The following ANKZF1 variants were observed in gnomAD, a reference collection of about 807,000 sequenced individuals.
ANKZF1 encodes ankyrin repeat and zinc finger peptidyl tRNA hydrolase 1, also known as tRNA endonuclease ANKZF1.
In ANKZF1, 84 loss-of-function variants were observed where a neutral mutation model predicts 86.0. That is an observed-to-expected ratio of 0.98 (90% confidence interval 0.82 to 1.17). The LOEUF (loss-of-function observed/expected upper bound fraction) is 1.17, where lower values mean the gene tolerates loss of function less well. Ranked by LOEUF, ANKZF1 falls within the 50% of genes most tolerant of loss-of-function variation. ANKZF1 has a pLI of 0.00. For missense variants in ANKZF1, 893 were observed against 918.4 expected, an observed-to-expected ratio of 0.97 and a Z score of 0.36; for synonymous variants, 331 against 354.2, an observed-to-expected ratio of 0.93 and a Z score of 0.74.
In ANKZF1 at chr2:219,235,810, CAGGAGCAGG is replaced by C. The variant is rs1411492917; in HGVS notation, c.1913_1921del (p.Gln638_Glu640del). The C allele has an allele frequency of 1.3e-5, 21 of 1,607,838 alleles. No homozygotes were observed. The highest frequency in any genetic ancestry group is 1.6e-5 in the Non-Finnish European group (19 of 1,175,186). On this transcript the variant is annotated inframe_deletion, in exon 12 of 14. Coordinates refer to ENST00000323348, the MANE Select transcript of ANKZF1 (RefSeq NM_018089.3). ...ACGGGAGGAACAGCAGCAGAGGCAG[CAGGAGCAGG>C]AGGAGCGTGAACGAGAAGAGCAGCG...
At position 219,235,312 on chromosome 2, in the gene ANKZF1, A is replaced by G. The variant is rs1951174637; in HGVS notation, c.1691A>G (p.Gln564Arg). The G allele has an allele frequency of 6.2e-7, 1 of 1,609,488 alleles. No individual in the cohort carries two copies. The highest frequency in any genetic ancestry group is 1.1e-5 in the South Asian group (1 of 90,888). Reference sequence around the variant, plus strand: ...GAAGCAGGTGCTGACCCCACTGTGCAGTGAGTAAAGGTCCCCATCCTGAGT... The same window carrying G: ...GAAGCAGGTGCTGACCCCACTGTGCGGTGAGTAAAGGTCCCCATCCTGAGT... ...LLEAGADPTVQDSRARPPYTV... is the reference protein window; with the variant it reads ...LLEAGADPTVRDSRARPPYTV... Residue 564 changes from glutamine to arginine, a missense_variant and splice_region_variant, in exon 10 of 14, where the codon CAG (glutamine) becomes CGG (arginine). Coordinates refer to ENST00000323348, the MANE Select transcript of ANKZF1 (RefSeq NM_018089.3).
rs763162673 is a variant in ANKZF1 at position 219,232,504 on chromosome 2, A to G, written c.379A>G (p.Ile127Val). 8 of 1,614,080 alleles carry G rather than the reference A, an allele frequency of 5.0e-6. No individual in the cohort carries two copies. The highest frequency in any genetic ancestry group is 2.7e-5 in the African/African-American group (2 of 74,936). The change falls in exon 5 of 14, where the codon ATC becomes GTC. Residue 127 changes from isoleucine to valine, a missense_variant. Coordinates refer to ENST00000323348, the MANE Select transcript of ANKZF1 (RefSeq NM_018089.3). ...TCTGTCTTCAGGAGATCTTTCCAGC[A>G]TCTCGGGATCAGAAGACTCAGACTC... ...KQSSTGDLSS[I>V]SGSEDSDSAS... is the part of the protein sequence containing the mutation.
chr2:219,232,672 G>C lies in ANKZF1; in HGVS notation c.547G>C (p.Gly183Arg). Reference protein sequence around the residue: ...QFLYAYRCVLGPHQDPPEEAE... With the variant: ...QFLYAYRCVLRPHQDPPEEAE... ...TCTTTATGCCTACCGCTGTGTCCTAGGCCCTCATCAGGCAAGTGACAGTAC... is the reference window on the plus strand; with the variant it reads ...TCTTTATGCCTACCGCTGTGTCCTACGCCCTCATCAGGCAAGTGACAGTAC... Residue 183 changes from glycine to arginine, a missense_variant, in exon 5 of 14, where the codon GGC becomes CGC. By Grantham distance (125) the Gly-to-Arg change is moderately radical. Coordinates refer to ENST00000323348, the MANE Select transcript of ANKZF1 (RefSeq NM_018089.3). 2 of 1,613,878 alleles carry C rather than the reference G, an allele frequency of 1.2e-6. No homozygotes were observed. Among genetic ancestry groups the C allele is most frequent in the Non-Finnish European group, 1.7e-6 (2 of 1,179,988 alleles).
At position 219,235,681 on chromosome 2, in the gene ANKZF1, T is replaced by C. The variant is rs7592813; in HGVS notation, c.1804-27T>C. The C allele has an allele frequency of 8.6e-5, 139 of 1,613,178 alleles. No individual in the cohort carries two copies. The African/African-American group carries it at 1.3e-3, about 15-fold the overall frequency. On this transcript the variant is annotated intron_variant, in intron 11 of 13. Transcript: ENST00000323348. ...TTGCAGTTTTACCAAAGATAACTTA[T>C]AGGGTCTTATATTTGAAATCCTCCA...
Position 219,235,078 on chromosome 2 carries a change from C to T in ANKZF1, c.1457C>T (p.Ala486Val), listed in dbSNP as rs763307622. The change falls in exon 10 of 14, where the codon GCC (alanine) becomes GTC (valine). Residue 486 changes from alanine (A) to valine (V), a missense_variant. Ala to Val is a moderately conservative substitution (Grantham distance 64). Transcript: ENST00000323348. ...AAPLGPLLDE[A>V]KAPGQPELWN... ...CCCTTGGGCCCTTTGCTGGATGAGG[C>T]CAAAGCCCCTGGTCAGCCAGAGCTC... 6.8e-6 allele frequency: 11 copies of T among 1,614,194 alleles called. No homozygotes were observed. The South Asian group carries it at 1.2e-4, about 18-fold the overall frequency.
chr2:219,231,931 CAG>C lies in ANKZF1; in HGVS notation c.153_154del (p.Glu55LysfsTer23), dbSNP rs751390930. 23 of 1,612,984 alleles carry C rather than the reference CAG, an allele frequency of 1.4e-5. No individual in the cohort carries two copies. Among genetic ancestry groups the C allele is most frequent in the Non-Finnish European group, 1.7e-5 (20 of 1,179,216 alleles). On this transcript the variant is annotated frameshift_variant, in exon 3 of 14. Coordinates refer to ENST00000323348, the MANE Select transcript of ANKZF1 (RefSeq NM_018089.3). LOFTEE classifies it high-confidence loss of function. ...CAATTCCTCTTCCCTTATTTAGGCT[CAG>C]GGGAGAGAGAAAGCCCAGAAAGAAA...
At position 219,230,235 on chromosome 2, in the gene ANKZF1, T is replaced by G. The variant is rs748406611; in HGVS notation, c.-23T>G. 1 of 1,608,364 alleles carries G rather than the reference T, an allele frequency of 6.2e-7. No individual in the cohort carries two copies. Among genetic ancestry groups the G allele is most frequent in the South Asian group, 1.1e-5 (1 of 90,774 alleles). ...ACACGCTTTCTACTCCAGGAGCTGC[T>G]GCTAAATAATTTCTGCTCAGCCATG... On this transcript the variant is annotated 5_prime_UTR_variant, in exon 2 of 14. Coordinates refer to ENST00000323348, the MANE Select transcript of ANKZF1 (RefSeq NM_018089.3).
Position 219,234,987 on chromosome 2 carries a change from C to T in ANKZF1, c.1366C>T (p.Arg456Trp), listed in dbSNP as rs1234025538. ...KSRDQEAGAH[R>W]TLLQQTQEEE... ...CCGAGACCAGGAGGCTGGGGCACAT[C>T]GGACTCTTCTCCAGCAAACTCAAGA... Residue 456 changes from arginine to tryptophan, a missense_variant, in exon 10 of 14, where the codon CGG (arginine) becomes TGG (tryptophan). Transcript: ENST00000323348. 2.2e-5 allele frequency: 35 copies of T among 1,614,114 alleles called. No homozygotes were observed. Among genetic ancestry groups the T allele is most frequent in the Non-Finnish European group, 2.5e-5 (29 of 1,180,050 alleles).
At position 219,235,461 on chromosome 2, in the gene ANKZF1, T is replaced by C; in HGVS notation, c.1692-13T>C. On this transcript the variant is annotated splice_polypyrimidine_tract_variant and intron_variant, in intron 10 of 13. Coordinates refer to ENST00000323348, the MANE Select transcript of ANKZF1 (RefSeq NM_018089.3). ...AGGCAAGTTAAACCCATTTTTGGAG[T>C]TTTTGCACCTAGGGACTCTCGGGCC... is the stretch of plus-strand genomic sequence containing the variant. 2 of 1,611,698 alleles carry C rather than the reference T, an allele frequency of 1.2e-6. No individual in the cohort carries two copies. Among genetic ancestry groups the C allele is most frequent in the Non-Finnish European group, 1.7e-6 (2 of 1,178,660 alleles).
In ANKZF1 at chr2:219,236,564, C is replaced by T. The variant is rs1951244478; in HGVS notation, c.*119C>T. 1.5e-6 allele frequency: 2 copies of T among 1,345,372 alleles called. No individual in the cohort carries two copies. The highest frequency in any genetic ancestry group is 2.9e-5 in the South Asian group (2 of 69,576). The allele number at this position is 1,345,372 out of a possible 1,614,324, so 83.3% of individuals were successfully genotyped here. A position where few individuals can be genotyped will look rare whatever the true frequency, so the allele number is the denominator to read the frequency against. ...ATTTGGAAGATGGGGGTGAAGGACA[C>T]TCGGGAACTAGGGCAAAGACAGGGC... On this transcript the variant is annotated 3_prime_UTR_variant, in exon 14 of 14. Transcript: ENST00000323348.
rs1574841229 is a variant in ANKZF1 at position 219,230,294 on chromosome 2, T to A, written c.37T>A (p.Ser13Thr). The A allele has an allele frequency of 6.2e-7, 1 of 1,613,856 alleles. No individual in the cohort carries two copies. Among genetic ancestry groups the A allele is most frequent in the Non-Finnish European group, 8.5e-7 (1 of 1,179,926 alleles). ...TCCAGATGCAGCCCCGGCTCCTGCG[T>A]CGATCTCCCTGTTTGACCTCAGCGC... ...PAPDAAPAPASISLFDLSADA... is the reference protein window; with the variant it reads ...PAPDAAPAPATISLFDLSADA... The change falls in exon 2 of 14, where the codon TCG becomes ACG. Residue 13 changes from serine (S) to threonine (T), a missense_variant. Transcript: ENST00000323348.
At position 219,231,952 on chromosome 2, in the gene ANKZF1, A is replaced by C. The variant is rs369043900; in HGVS notation, c.173A>C (p.Glu58Ala). 775 of 1,614,064 alleles carry C rather than the reference A, an allele frequency of 4.8e-4. 9 individuals carry two copies. The South Asian group carries it at 8.0e-3, about 17-fold the overall frequency. ...GGCTCAGGGGAGAGAGAAAGCCCAG[A>C]AAGAAAGCTACTCCAGGGTCCTATG... ...CSGSGERESP[E>A]RKLLQGPMDI... is the part of the protein sequence containing the mutation. Residue 58 changes from glutamate (E) to alanine (A), a missense_variant, in exon 3 of 14, where the codon GAA (glutamate) becomes GCA (alanine). Glu to Ala is a moderately radical substitution (Grantham distance 107, BLOSUM62 -1). Transcript: ENST00000323348.
chr2:219,230,746 A>G, intron 2 of ANKZF1: 1 of 187,110 alleles, frequency 5.3e-6, no homozygotes, highest in South Asian at 1.3e-4. Context: ...TTTGTTTCGT[A>G]TAGCTTTATT....
intron 7 of ANKZF1, 109 bp from the exon 8 acceptor site, chr2:219,233,604 CGT>C: frequency 7.1e-7 from 1 of 1,402,900 alleles, no homozygotes; most frequent in Non-Finnish European, 9.7e-7. Flanking sequence ...ATTCTTTCTC[CGT>C]GTTATCCTCT....
chr2:219,232,511 G>T lies in ANKZF1; in HGVS notation c.386G>T (p.Gly129Val). Residue 129 changes from glycine (G) to valine (V), a missense_variant, in exon 5 of 14, where the codon GGA becomes GTA. By Grantham distance (109) the Gly-to-Val change is moderately radical. Coordinates refer to ENST00000323348, the MANE Select transcript of ANKZF1 (RefSeq NM_018089.3). ...SSTGDLSSIS[G>V]SEDSDSASEE... Reference sequence around the variant, plus strand: ...TCAGGAGATCTTTCCAGCATCTCGGGATCAGAAGACTCAGACTCAGCCAGT... The same window carrying T: ...TCAGGAGATCTTTCCAGCATCTCGGTATCAGAAGACTCAGACTCAGCCAGT... The T allele has an allele frequency of 6.2e-7, 1 of 1,614,184 alleles. No individual in the cohort carries two copies. Among genetic ancestry groups the T allele is most frequent in the Non-Finnish European group, 8.5e-7 (1 of 1,180,014 alleles).
chr2:219,230,461 G>A (rs1282135559), intron 2 of ANKZF1, 56 bp downstream of exon 2: 2 of 1,530,462 alleles, frequency 1.3e-6, no homozygotes, highest in Non-Finnish European at 1.8e-6. Context: ...CGTATTGCCC[G>A]TTCAGGGAAC....
chr2:219,235,142 TG>T lies in ANKZF1; in HGVS notation c.1523del (p.Gly508GlufsTer3). ...LLAACRAGDV[G>X]VLKLQLAPSP... is the part of the protein sequence containing the mutation. Reference sequence around the variant, plus strand: ...TTGCTGCTTGCCGAGCTGGAGATGTTGGAGTGCTAAAGCTGCAGCTAGCTCC... The same window carrying T: ...TTGCTGCTTGCCGAGCTGGAGATGTTGAGTGCTAAAGCTGCAGCTAGCTCC... On this transcript the variant is annotated frameshift_variant, in exon 10 of 14. Coordinates refer to ENST00000323348, the MANE Select transcript of ANKZF1 (RefSeq NM_018089.3). LOFTEE classifies it high-confidence loss of function. 1 of 1,614,220 alleles carries T rather than the reference TG, an allele frequency of 6.2e-7. No homozygotes were observed.
At chr2:219,233,562 G>T in intron 7 of ANKZF1, 129 bp downstream of exon 7, 1 of 1,408,168 alleles carries the variant, frequency 7.1e-7, no homozygotes. Context: ...GACAAAGGTA[G>T]ATGAGGGATT....
chr2:219,229,928 T>G lies in ANKZF1; in HGVS notation c.-31+28T>G. 4.3e-6 allele frequency: 1 copy of G among 230,100 alleles called. No homozygotes were observed. Among genetic ancestry groups the G allele is most frequent in the Non-Finnish European group, 8.6e-6 (1 of 116,354 alleles). The allele number at this position is 230,100 out of a possible 1,614,324, so 14.3% of individuals were successfully genotyped here. On this transcript the variant is annotated intron_variant, in intron 1 of 13. Coordinates refer to ENST00000323348, the MANE Select transcript of ANKZF1 (RefSeq NM_018089.3). This position sits in a 1 kb window ranked among gnomAD's most constrained non-coding sequence, Gnocchi z 4.2. Reference sequence around the variant, plus strand: ...GCGTCTTCTAAGGGCGTGGGCGAGTTTACGCGGGCCAGTTGTTGCTGGTCG... The same window carrying G: ...GCGTCTTCTAAGGGCGTGGGCGAGTGTACGCGGGCCAGTTGTTGCTGGTCG...
Sources: allele counts gnomAD v4.1 joint callset, GRCh38; gene constraint gnomAD v4.1.1; non-coding constraint Gnocchi (gnomAD v3.1); transcripts MANE v1.5; gene names NCBI Gene and HGNC (gene_info 2026-07-23, HGNC 2026-07-21).